RAPGEF6: variants seen among roughly 807,000 people sequenced by gnomAD.
RAPGEF6 encodes the protein PDZ domain containing guanine nucleotide exchange factor (GEF) 2.
In RAPGEF6, 56 loss-of-function variants were observed where a neutral mutation model predicts 171.4. That is an observed-to-expected ratio of 0.33 (90% CI 0.26 to 0.41). RAPGEF6 has a LOEUF of 0.41. Ranked by LOEUF, RAPGEF6 falls within the 10% of genes least tolerant of loss-of-function variation. The pLI is 1.00. For missense variants in RAPGEF6, 1,674 were observed against 1,921.4 expected (o/e 0.87, Z 2.41); for synonymous variants, 692 against 650.1 (o/e 1.06, Z -0.98).
intron 18 of RAPGEF6, among the ~76,000 whole-genome samples, chr5:131,462,721 AAAGT>A (rs1333726066): frequency 6.6e-6 from 1 of 152,220 alleles, no homozygotes; most frequent in Non-Finnish European, 1.5e-5. Context: ...ACAGCACTTA[AAAGT>A]AAGAGACAGG....
chr5:131,434,814 T>C (rs1751921103), intron 24 of RAPGEF6, among the ~76,000 whole-genome samples: 1 of 152,174 alleles, frequency 6.6e-6, no homozygotes, highest in African/African-American at 2.4e-5. Context: ...ATAATCTATT[T>C]TGATAACTGG....
intron 16 of RAPGEF6, among the ~76,000 whole-genome samples, chr5:131,477,499 A>G (rs1580886907): frequency 6.6e-6 from 1 of 152,192 alleles, no homozygotes; most frequent in Non-Finnish European, 1.5e-5. Context: ...GTACCAATAT[A>G]AAGTTATAAT....
At chr5:131,613,116 A>G (rs1765036551) in intron 1 of RAPGEF6, among the ~76,000 whole-genome samples, 1 of 152,228 alleles carries the variant, frequency 6.6e-6, no homozygotes, top group Non-Finnish European at 1.5e-5. Context: ...CTGAACTAAA[A>G]TATCAGCATT....
chr5:131,619,123 A>T (rs1476948119), intron 1 of RAPGEF6, among the ~76,000 whole-genome samples: 1 of 152,042 alleles, frequency 6.6e-6, no homozygotes, highest in Non-Finnish European at 1.5e-5. Flanking sequence ...CCTTGACTAG[A>T]CCCTGGATTG....
intron 4 of RAPGEF6, among the ~76,000 whole-genome samples, chr5:131,588,455 G>A (rs986715436): frequency 2.6e-5 from 4 of 152,000 alleles, no homozygotes; most frequent in Non-Finnish European, 5.9e-5. Flanking sequence ...GGCCAGGTGC[G>A]GTGGCTCACA....
intron 7 of RAPGEF6, among the ~76,000 whole-genome samples, chr5:131,516,803 T>TG (rs1437489769): frequency 6.6e-6 from 1 of 152,222 alleles, no homozygotes; most frequent in Non-Finnish European, 1.5e-5. Context: ...TAATCTATGC[T>TG]GATTAGAAAC....
chr5:131,609,612 GGTCT>G (rs1764822453), intron 1 of RAPGEF6, among the ~76,000 whole-genome samples: 1 of 152,122 alleles, frequency 6.6e-6, no homozygotes, highest in South Asian at 2.1e-4. Flanking sequence ...CACTTATCAA[GGTCT>G]GTCTAGCTAC....
chr5:131,436,232 T>TA (rs760153661), intron 24 of RAPGEF6: 2 of 1,537,596 alleles, frequency 1.3e-6, no homozygotes, highest in Middle Eastern at 1.7e-4. Flanking sequence ...GTCCTGTCTC[T>TA]ATTCTCCTCA....
intron 26 of RAPGEF6, among the ~76,000 whole-genome samples, chr5:131,429,953 G>A (rs781225374): frequency 1.3e-5 from 2 of 151,528 alleles, no homozygotes; most frequent in Non-Finnish European, 1.5e-5. Flanking sequence ...GGGAGGCTGA[G>A]AGAGGAGAAT....
At chr5:131,499,244 A>C (rs547610659) in intron 11 of RAPGEF6, among the ~76,000 whole-genome samples, 355 of 152,310 alleles carry the variant, frequency 2.3e-3, no homozygotes, top group Admixed American at 4.0e-3. Flanking sequence ...CAGTTTTGAA[A>C]TTAATTCAGA....
intron 11 of RAPGEF6, among the ~76,000 whole-genome samples, chr5:131,504,113 C>G (rs1007831504): frequency 6.6e-6 from 1 of 152,086 alleles, no homozygotes. Context: ...AAATAATACC[C>G]TACCTACTCT....
At chr5:131,607,432 A>T (rs1451141807) in intron 1 of RAPGEF6, among the ~76,000 whole-genome samples, 1 of 152,038 alleles carries the variant, frequency 6.6e-6, no homozygotes, top group East Asian at 1.9e-4. Flanking sequence ...TTAAGCCTCA[A>T]ATACTGATGT....
chr5:131,521,955 T>C (rs1758526308), intron 6 of RAPGEF6, among the ~76,000 whole-genome samples: 1 of 147,804 alleles, frequency 6.8e-6, no homozygotes, highest in African/African-American at 2.5e-5. Context: ...AAATGGTGAC[T>C]GATACAAGAA....
chr5:131,428,397 G>A (rs566727490), intron 27 of RAPGEF6, among the ~76,000 whole-genome samples: 2 of 152,146 alleles, frequency 1.3e-5, no homozygotes, highest in East Asian at 3.9e-4. Context: ...TTGGGCAACA[G>A]AGTTAGACCC....
intron 6 of RAPGEF6, chr5:131,532,034 T>C (rs1759418209): frequency 2.6e-6 from 1 of 391,058 alleles, no homozygotes; most frequent in Admixed American, 3.7e-5. Flanking sequence ...ATAAAGCTCA[T>C]TTACAGTTCA....
At chr5:131,577,374 G>A (rs767425164) in intron 4 of RAPGEF6, among the ~76,000 whole-genome samples, 2 of 152,128 alleles carry the variant, frequency 1.3e-5, no homozygotes, top group Non-Finnish European at 2.9e-5. Context: ...TTTACCATTT[G>A]CCCTCCTTAG....
chr5:131,531,304 T>C (rs892768337), intron 6 of RAPGEF6, among the ~76,000 whole-genome samples: 2 of 152,174 alleles, frequency 1.3e-5, no homozygotes, highest in Non-Finnish European at 2.9e-5. Context: ...TTTAAATGTT[T>C]TGAAAAAACA....
Position 131,552,913 on chromosome 5 carries a change from G to C in RAPGEF6, c.352-4723C>G, listed in dbSNP as rs894352031. On this transcript the variant is annotated intron_variant, in intron 5 of 27. Coordinates refer to ENST00000509018, the MANE Select transcript of RAPGEF6 (RefSeq NM_016340.6). ...TTAAAAATGAGCCCCTAAAAAAGTG[G>C]AATGACACCTGCAAATACTCCAATA... Among the ~76,000 whole-genome samples, 30 of 152,104 alleles carry C rather than the reference G, an allele frequency of 2.0e-4. 1 individual carries two copies. Among genetic ancestry groups the C allele is most frequent in the Non-Finnish European group, 2.9e-5 (2 of 68,028 alleles).
intron 21 of RAPGEF6, chr5:131,449,960 G>A: frequency 1.4e-6 from 2 of 1,459,070 alleles, no homozygotes; most frequent in Non-Finnish European, 1.9e-6. Context: ...TTAATGAAAA[G>A]GATGCAATAT....
Sources: allele counts gnomAD v4.1 joint callset (sites outside exome capture counted in the v4.1 genomes callset), GRCh38; gene constraint gnomAD v4.1.1; transcripts MANE v1.5; gene names NCBI Gene and HGNC (gene_info 2026-07-23, HGNC 2026-07-21).